The following IL10RA variants were observed in gnomAD, a reference collection of about 807,000 sequenced individuals.
IL10RA encodes the protein interleukin 10 receptor subunit alpha, also known as interleukin-10 receptor subunit alpha.
A neutral mutation model predicts 29.6 loss-of-function variants in IL10RA; 18 were observed. That is an observed-to-expected ratio of 0.61 (90% CI 0.42 to 0.90). The LOEUF is 0.90. IL10RA is among the 40% of genes least tolerant of loss of function. The pLI, the probability that IL10RA is intolerant of heterozygous loss-of-function variation, is 0.00. For missense variants in IL10RA, 634 were observed against 716.6 expected (o/e 0.88, Z 1.32); for synonymous variants, 292 against 294.1 (o/e 0.99, Z 0.07).
chr11:117,995,363 A>C (rs1281345206), intron 5 of IL10RA: 1 of 597,396 alleles, frequency 1.7e-6, no homozygotes, highest in African/African-American at 1.8e-5. Flanking sequence ...AGCTGGAAGC[A>C]GTTAGCGCAT....
chr11:117,995,410 C>G lies in IL10RA; in HGVS notation c.689-179C>G, dbSNP rs56111029. The stretch of plus-strand genomic sequence containing the variant: ...ATCCTTCAGGGCATGGTTTGGAAGG[C>G]CAGGTAGGGATTCGCAGAAACCTAG... On this transcript the variant is annotated intron_variant, in intron 5 of 6. Transcript: ENST00000227752. 399 of 723,084 alleles carry G rather than the reference C, an allele frequency of 5.5e-4. 3 individuals carry two copies. In the East Asian group the frequency reaches 8.6e-3, roughly 16 times the overall value. The allele number at this position is 723,084 out of a possible 1,614,324, so 44.8% of individuals were successfully genotyped here.
intron 6 of IL10RA, among the ~76,000 whole-genome samples, chr11:117,997,027 T>C (rs1432930524): frequency 6.6e-6 from 1 of 152,242 alleles, no homozygotes; most frequent in Middle Eastern, 3.2e-3. Context: ...ACACATTCAT[T>C]AGTTTGTTCT....
At chr11:117,993,104 T>C (rs2058033937) in intron 3 of IL10RA, 137 bp from the exon 4 acceptor site, 1 of 751,172 alleles carries the variant, frequency 1.3e-6, no homozygotes, top group South Asian at 1.5e-5. Context: ...TTCTGCTGCA[T>C]TGACAAACCT....
chr11:117,987,068 C>G, intron 1 of IL10RA: 4 of 363,900 alleles, frequency 1.1e-5, no homozygotes, highest in Non-Finnish European at 2.2e-5. Flanking sequence ...GTTCAGGCTT[C>G]TAACCCAGTT....
Position 117,988,403 on chromosome 11 carries a change from C to T in IL10RA, c.89C>T (p.Pro30Leu), listed in dbSNP as rs749622044. The T allele has an allele frequency of 4.0e-5, 65 of 1,614,070 alleles. No individual in the cohort carries two copies. In the East Asian group the frequency reaches 4.5e-4, roughly 11 times the overall value. ...CCAGGGACAGAGCTGCCCAGCCCTC[C>T]GTCTGTGTGGTTTGAAGCAGAATTT... ...DAHGTELPSP[P>L]SVWFEAEFFH... is the part of the protein sequence containing the mutation. Residue 30 changes from proline to leucine, a missense_variant, in exon 2 of 7, where the codon CCG becomes CTG. By Grantham distance (98) the Pro-to-Leu change is moderately conservative. Coordinates refer to ENST00000227752, the MANE Select transcript of IL10RA (RefSeq NM_001558.4).
Position 117,988,613 on chromosome 11 carries a change from C to T in IL10RA, c.188+111C>T, listed in dbSNP as rs1402596873. 3 of 1,253,304 alleles carry T rather than the reference C, an allele frequency of 2.4e-6. No individual in the cohort carries two copies. The Admixed American group carries it at 5.5e-5, about 23-fold the overall frequency. 77.6% of individuals were successfully genotyped at this position (1,253,304 alleles called of 1,614,324 possible). On this transcript the variant is annotated intron_variant, in intron 2 of 6. Transcript: ENST00000227752. ...TGTTAATGAAGTGAGTGCCTGAGGG[C>T]CCCTAACACATAGCCAGCAGTTGAC... is the stretch of plus-strand genomic sequence containing the variant.
intron 5 of IL10RA, among the ~76,000 whole-genome samples, chr11:117,994,787 G>A (rs187653649): frequency 1.5e-4 from 23 of 152,316 alleles, no homozygotes; most frequent in Admixed American, 7.2e-4. Flanking sequence ...CATGCCAACA[G>A]TAAGTGCTCT....
At chr11:117,992,874 G>A (rs1394513993) in intron 3 of IL10RA, 1 of 276,204 alleles carries the variant, frequency 3.6e-6, no homozygotes, top group Non-Finnish European at 7.1e-6. Context: ...TTGCGTAAGA[G>A]GTGAGACAAA....
At position 117,989,816 on chromosome 11, in the gene IL10RA, G is replaced by C. The variant is rs1173796930; in HGVS notation, c.367+196G>C. The C allele has an allele frequency of 7.7e-6, 5 of 652,990 alleles. No homozygotes were observed. The highest frequency in any genetic ancestry group is 8.2e-6 in the Non-Finnish European group (3 of 367,598). The allele number at this position is 652,990 out of a possible 1,614,324, so 40.4% of individuals were successfully genotyped here. On this transcript the variant is annotated intron_variant, in intron 3 of 6. Coordinates refer to ENST00000227752, the MANE Select transcript of IL10RA (RefSeq NM_001558.4). The surrounding 1 kb of genome is among the most constrained non-coding windows in gnomAD (Gnocchi z 4.5). ...AGCCCAAGTTGTTTGAGATTTAAAA[G>C]GGAACTGGAGTTGTTTATCCTACAG...
intron 6 of IL10RA, among the ~76,000 whole-genome samples, chr11:117,998,153 G>A (rs1005222754): frequency 3.9e-5 from 6 of 152,198 alleles, no homozygotes; most frequent in African/African-American, 1.2e-4. Context: ...TCGGGGAATA[G>A]AAAACTTAAT....
At chr11:117,994,731 G>A (rs2055297160) in intron 5 of IL10RA, among the ~76,000 whole-genome samples, 1 of 152,182 alleles carries the variant, frequency 6.6e-6, no homozygotes, top group African/African-American at 2.4e-5. Flanking sequence ...ACTGTAACAA[G>A]CAACTCTTAT....
Position 118,000,387 on chromosome 11 carries a change from C to T in IL10RA, c.*746C>T, listed in dbSNP as rs1457132274. On this transcript the variant is annotated 3_prime_UTR_variant, in exon 7 of 7. Coordinates refer to ENST00000227752, the MANE Select transcript of IL10RA (RefSeq NM_001558.4). ...CTCCAACAAATGGAGTAGCATCCCC[C>T]TGGGGCACTTGCTGAGGCCAAGCCA... 2.2e-6 allele frequency: 1 copy of T among 454,262 alleles called. No homozygotes were observed. Among genetic ancestry groups the T allele is most frequent in the Admixed American group, 2.3e-5 (1 of 42,574 alleles). 28.1% of individuals were successfully genotyped at this position (454,262 alleles called of 1,614,324 possible).
In IL10RA at chr11:117,999,613, T is replaced by C. The variant is rs935342757; in HGVS notation, c.1709T>C (p.Leu570Pro). 2.5e-6 allele frequency: 4 copies of C among 1,614,106 alleles called. No individual in the cohort carries two copies. In the East Asian group the frequency reaches 6.7e-5, roughly 27 times the overall value. ...SFNSDLVTLP[L>P]ISSLQSSE Reference sequence around the variant, plus strand: ...AACTCAGACCTGGTCACCCTGCCCCTCATCTCTAGCCTGCAGTCAAGTGAG... The same window carrying C: ...AACTCAGACCTGGTCACCCTGCCCCCCATCTCTAGCCTGCAGTCAAGTGAG... Residue 570 changes from leucine to proline, a missense_variant, in exon 7 of 7, where the codon CTC becomes CCC. Transcript: ENST00000227752.
rs1281060848 is a variant in IL10RA, at chr11:117,998,830, A to G, written c.926A>G (p.Lys309Arg). 6 of 1,614,218 alleles carry G rather than the reference A, an allele frequency of 3.7e-6. No homozygotes were observed. The highest frequency in any genetic ancestry group is 4.2e-6 in the Non-Finnish European group (5 of 1,180,038). Residue 309 changes from lysine (K) to arginine (R), a missense_variant, in exon 7 of 7, where the codon AAG (lysine) becomes AGG (arginine). Coordinates refer to ENST00000227752, the MANE Select transcript of IL10RA (RefSeq NM_001558.4). The stretch of plus-strand genomic sequence containing the variant: ...TTTTTGAAGGTGTCCCCAGAGCTGA[A>G]GAACTTGGACCTGCACGGCAGCACA... ...EAFLKVSPEL[K>R]NLDLHGSTDS...
rs142396542 is a variant in IL10RA, at chr11:117,998,841, C to T, written c.937C>T (p.Leu313=). 602 of 1,614,222 alleles carry T rather than the reference C, an allele frequency of 3.7e-4. 1 individual carries two copies. Among genetic ancestry groups the T allele is most frequent in the South Asian group, 1.5e-3 (135 of 91,088 alleles). The change falls in exon 7 of 7, where the codon CTG becomes TTG. Residue 313 remains leucine, a synonymous_variant. Transcript: ENST00000227752. The stretch of plus-strand genomic sequence containing the variant: ...GTCCCCAGAGCTGAAGAACTTGGAC[C>T]TGCACGGCAGCACAGACAGTGGCTT... ...KVSPELKNLD[L]HGSTDSGFGS...
Position 117,989,858 on chromosome 11 carries a change from T to G in IL10RA, c.367+238T>G, listed in dbSNP as rs988794397. Reference sequence around the variant, plus strand: ...ATCCTACAGAAGAGAGGTCTTGGGGTGGGTTGGGACAGCTGAGTCACCAGG... The same window carrying G: ...ATCCTACAGAAGAGAGGTCTTGGGGGGGGTTGGGACAGCTGAGTCACCAGG... On this transcript the variant is annotated intron_variant, in intron 3 of 6. Coordinates refer to ENST00000227752, the MANE Select transcript of IL10RA (RefSeq NM_001558.4). The surrounding 1 kb of genome is among the most constrained non-coding windows in gnomAD (Gnocchi z 4.5). 6.6e-6 allele frequency among the ~76,000 whole-genome samples: 1 copy of G among 151,774 alleles called. No individual in the cohort carries two copies. Among genetic ancestry groups the G allele is most frequent in the Non-Finnish European group, 1.5e-5 (1 of 67,964 alleles).
chr11:117,993,446 C>T (rs1281375522), intron 4 of IL10RA, 36 bp downstream of exon 4: 1 of 1,584,562 alleles, frequency 6.3e-7, no homozygotes, highest in Admixed American at 1.7e-5. Context: ...GCCAGAACTC[C>T]CTTGGCTTCC....
At chr11:117,991,317 A>G (rs1389364185) in intron 3 of IL10RA, among the ~76,000 whole-genome samples, 1 of 152,248 alleles carries the variant, frequency 6.6e-6, no homozygotes. Flanking sequence ...TTATGTATAC[A>G]TAATACATGT....
At position 117,995,646 on chromosome 11, in the gene IL10RA, C is replaced by G; in HGVS notation, c.746C>G (p.Ala249Gly). Residue 249 changes from alanine to glycine, a missense_variant, in exon 6 of 7, where the codon GCC becomes GGC. Transcript: ENST00000227752. ...FFAFVLLLSG[A>G]LAYCLALQLY... ...GCCTTTGTCCTGCTGCTCTCCGGAG[C>G]CCTCGCCTACTGCCTGGCCCTCCAG... 1 of 1,614,116 alleles carries G rather than the reference C, an allele frequency of 6.2e-7. No homozygotes were observed. The highest frequency in any genetic ancestry group is 1.1e-5 in the South Asian group (1 of 91,082).
Sources: allele counts gnomAD v4.1 joint callset (sites outside exome capture counted in the v4.1 genomes callset), GRCh38; gene constraint gnomAD v4.1.1; non-coding constraint Gnocchi (gnomAD v3.1); transcripts MANE v1.5; gene names NCBI Gene and HGNC (gene_info 2026-07-23, HGNC 2026-07-21).